NXPH1: variants seen among roughly 807,000 people sequenced by gnomAD.
NXPH1 encodes neurexophilin 1, also known as neurexophilin-1.
A neutral mutation model predicts 23.7 loss-of-function variants in NXPH1; 5 were observed. That is an observed-to-expected ratio of 0.21 (90% CI 0.11 to 0.44). The LOEUF (loss-of-function observed/expected upper bound fraction) is 0.44. Ranked by LOEUF, NXPH1 falls within the 20% of genes least tolerant of loss-of-function variation. The pLI is 0.99. For missense variants in NXPH1, 324 were observed against 321.6 expected (o/e 1.01, Z -0.06); for synonymous variants, 144 against 122.2 (o/e 1.18, Z -1.18).
At chr7:8,655,498 AC>A (rs1820565300) in intron 2 of NXPH1, among the ~76,000 whole-genome samples, 1 of 15,718 alleles carries the variant, frequency 6.4e-5, no homozygotes. Flanking sequence ...TATGTCCATC[AC>A]ACGCACACAC....
intron 2 of NXPH1, among the ~76,000 whole-genome samples, chr7:8,492,592 C>A (rs928210426): frequency 2.6e-5 from 4 of 152,034 alleles, no homozygotes; most frequent in Non-Finnish European, 1.5e-5. Context: ...GGAGCTTACA[C>A]AATCAACTGG....
At chr7:8,516,088 G>C (rs193029121) in intron 2 of NXPH1, among the ~76,000 whole-genome samples, 1 of 152,054 alleles carries the variant, frequency 6.6e-6, no homozygotes, top group Non-Finnish European at 1.5e-5. Context: ...TTCAAATCCT[G>C]CTTGCTTAAG....
At chr7:8,700,638 C>T (rs10242483) in intron 2 of NXPH1, among the ~76,000 whole-genome samples, 4,660 of 152,130 alleles carry the variant, frequency 0.031, 221 homozygotes, top group African/African-American at 0.11. Flanking sequence ...ATTATATTTG[C>T]CTTCTTAAAT....
chr7:8,537,583 C>G (rs1390376395), intron 2 of NXPH1, among the ~76,000 whole-genome samples: 1 of 151,922 alleles, frequency 6.6e-6, no homozygotes, highest in Non-Finnish European at 1.5e-5. Context: ...CCCACCAGGT[C>G]CTTCCCATGA....
At chr7:8,567,741 T>C (rs1347848626) in intron 2 of NXPH1, among the ~76,000 whole-genome samples, 1 of 151,894 alleles carries the variant, frequency 6.6e-6, no homozygotes, top group Non-Finnish European at 1.5e-5. Flanking sequence ...CCTGCTAGTG[T>C]GGCTATGTGG....
intron 2 of NXPH1, among the ~76,000 whole-genome samples, chr7:8,535,499 G>C (rs1818013415): frequency 6.6e-6 from 1 of 151,810 alleles, no homozygotes; most frequent in African/African-American, 2.4e-5. Flanking sequence ...CACTGTCTTG[G>C]TGACTGGGAT....
chr7:8,491,871 T>A (rs1481389421), intron 2 of NXPH1, among the ~76,000 whole-genome samples: 1 of 152,098 alleles, frequency 6.6e-6, no homozygotes, highest in Non-Finnish European at 1.5e-5. Flanking sequence ...TCATCTAAAG[T>A]GCTGTTCTTT....
chr7:8,714,944 C>T (rs1361459066), intron 2 of NXPH1, among the ~76,000 whole-genome samples: 2 of 151,986 alleles, frequency 1.3e-5, no homozygotes, highest in Non-Finnish European at 2.9e-5. Context: ...CTTAGCTTCC[C>T]TGGTTGGTGT....
In NXPH1 at chr7:8,752,052, C is replaced by G; in HGVS notation, c.*283C>G. 1 of 316,386 alleles carries G rather than the reference C, an allele frequency of 3.2e-6. No individual in the cohort carries two copies. The allele number at this position is 316,386 out of a possible 1,614,324, so 19.6% of individuals were successfully genotyped here. A position where few individuals can be genotyped will look rare whatever the true frequency, so the allele number is the denominator to read the frequency against. ...AAACACACCGTCATGCACATTTCAG[C>G]TTGCGTCTATCATGATTCCTGTTGA... On this transcript the variant is annotated 3_prime_UTR_variant, in exon 3 of 3. Coordinates refer to ENST00000405863, the MANE Select transcript of NXPH1 (RefSeq NM_152745.3).
At chr7:8,744,098 C>A (rs780135713) in intron 2 of NXPH1, among the ~76,000 whole-genome samples, 2 of 152,162 alleles carry the variant, frequency 1.3e-5, no homozygotes, top group Non-Finnish European at 2.9e-5. Context: ...TAGATCTAAG[C>A]TTGGTCTTTG....
Position 8,435,410 on chromosome 7 carries a change from G to T in NXPH1, c.-110-194G>T. On this transcript the variant is annotated intron_variant, in intron 1 of 2. Coordinates refer to ENST00000405863, the MANE Select transcript of NXPH1 (RefSeq NM_152745.3). This position sits in a 1 kb window ranked among gnomAD's most constrained non-coding sequence, Gnocchi z 5.9. ...CCCTCACCCTCCCTCTCGTCCGCCC[G>T]CCCGCCTCCCCAGCTGCGGACCGCG... The T allele has an allele frequency of 8.4e-6, 4 of 474,738 alleles. No individual in the cohort carries two copies. In the South Asian group the frequency reaches 9.4e-5, roughly 11 times the overall value. The allele number at this position is 474,738 out of a possible 1,614,324, so 29.4% of individuals were successfully genotyped here.
intron 2 of NXPH1, among the ~76,000 whole-genome samples, chr7:8,445,684 T>C (rs1816392725): frequency 6.6e-6 from 1 of 152,238 alleles, no homozygotes; most frequent in South Asian, 2.1e-4. Context: ...CATACACATA[T>C]ACACAAAGCA....
chr7:8,637,560 A>G (rs1265267051), intron 2 of NXPH1, among the ~76,000 whole-genome samples: 2 of 152,122 alleles, frequency 1.3e-5, no homozygotes, highest in African/African-American at 2.4e-5. Flanking sequence ...CTGGTCAGTG[A>G]GGCTGGGCTG....
At chr7:8,587,606 G>A (rs560349524) in intron 2 of NXPH1, among the ~76,000 whole-genome samples, 1 of 152,016 alleles carries the variant, frequency 6.6e-6, no homozygotes, top group Non-Finnish European at 1.5e-5. Flanking sequence ...ATCTACATTG[G>A]GTATTTCTCC....
intron 2 of NXPH1, among the ~76,000 whole-genome samples, chr7:8,685,135 T>C (rs527325800): frequency 6.6e-6 from 1 of 152,274 alleles, no homozygotes; most frequent in South Asian, 2.1e-4. Flanking sequence ...CCTGCCCTTA[T>C]ATGATGCTCC....
At chr7:8,677,924 CAT>C (rs138168559) in intron 2 of NXPH1, among the ~76,000 whole-genome samples, 5,502 of 151,766 alleles carry the variant, frequency 0.036, 317 homozygotes, top group African/African-American at 0.12. Flanking sequence ...TTAGTGTTTA[CAT>C]ATATATAAAC....
chr7:8,654,734 A>AG (rs1820546107), intron 2 of NXPH1, among the ~76,000 whole-genome samples: 1 of 152,196 alleles, frequency 6.6e-6, no homozygotes, highest in African/African-American at 2.4e-5. Flanking sequence ...GAGGTGCTCT[A>AG]GGTGGGACAC....
chr7:8,546,090 G>A (rs905726392), intron 2 of NXPH1, among the ~76,000 whole-genome samples: 1 of 151,400 alleles, frequency 6.6e-6, no homozygotes, highest in African/African-American at 2.4e-5. Context: ...TGCTCTTAGT[G>A]TGTAAAGCTG....
chr7:8,668,256 G>T lies in NXPH1; in HGVS notation c.55-82752G>T, dbSNP rs1469104008. Among the ~76,000 whole-genome samples, 28 of 79,878 alleles carry T rather than the reference G, an allele frequency of 3.5e-4. No individual in the cohort carries two copies. In the Admixed American group the frequency reaches 3.6e-3, roughly 10 times the overall value. 52.4% of individuals were successfully genotyped at this position (79,878 alleles called of 152,430 possible). A position where few individuals can be genotyped will look rare whatever the true frequency, so the allele number is the denominator to read the frequency against. ...TCTTTTGATGGTGTTATGTCTCTTT[G>T]TTTTTTTTTTTTTATTTTGTTGTTG... On this transcript the variant is annotated intron_variant, in intron 2 of 2. Transcript: ENST00000405863.
Sources: gnomAD v4.1 joint callset for allele counts (sites outside exome capture counted in the v4.1 genomes callset) on GRCh38, gnomAD v4.1.1 for gene constraint, Gnocchi (gnomAD v3.1) non-coding constraint, MANE v1.5 for transcripts, NCBI Gene and HGNC (gene_info 2026-07-23, HGNC 2026-07-21) for gene names.